The following SRGAP1 variants were observed in gnomAD, a reference collection of about 807,000 sequenced individuals.
The protein encoded by SRGAP1 is SLIT-ROBO Rho GTPase activating protein 1.
Under a neutral mutation model 121.9 loss-of-function variants are expected in SRGAP1, and 43 were observed. The ratio of observed to expected loss-of-function variants is 0.35; its 90% CI spans 0.28 to 0.46. SRGAP1 has a LOEUF of 0.46. Ranked by LOEUF, SRGAP1 falls within the 20% of genes least tolerant of loss-of-function variation. The pLI is 1.00. For synonymous variants in SRGAP1, 447 were observed against 485.4 expected (o/e 0.92, Z 1.04); for missense variants, 1,102 against 1,350.9 (o/e 0.82, Z 2.89).
rs1289402772 is a variant in SRGAP1, at chr12:64,157,338, A to ACAAT, written c.*14670_*14673dup. On this transcript the variant is annotated 3_prime_UTR_variant, in exon 22 of 22. Coordinates refer to ENST00000355086, the MANE Select transcript of SRGAP1 (RefSeq NM_020762.4). ...CAAACAACCCCCCAAACTCAGTAACACAATCAAGCTGTATTTCTCCTTCAC... is the reference window on the plus strand; with the variant it reads ...CAAACAACCCCCCAAACTCAGTAACACAATCAATCAAGCTGTATTTCTCCTTCAC... 6.6e-6 allele frequency: 1 copy of ACAAT among 152,118 alleles called. No individual in the cohort carries two copies. Among genetic ancestry groups the ACAAT allele is most frequent in the African/African-American group, 2.4e-5 (1 of 41,396 alleles). 9.4% of individuals were successfully genotyped at this position (152,118 alleles called of 1,614,324 possible). A position where few individuals can be genotyped will look rare whatever the true frequency, so the allele number is the denominator to read the frequency against.
intron 1 of SRGAP1, among the ~76,000 whole-genome samples, chr12:63,941,727 A>G (rs2031876531): frequency 2.6e-5 from 4 of 152,002 alleles, no homozygotes; most frequent in South Asian, 2.1e-4. Context: ...CTTTTCTAAC[A>G]TATTTCTAGC....
chr12:63,984,075 A>G lies in SRGAP1; in HGVS notation c.196A>G (p.Asn66Asp). 6.5e-7 allele frequency: 1 copy of G among 1,544,538 alleles called. No individual in the cohort carries two copies. Reference protein sequence around the residue: ...KAEIETEYSRNLEKLAERFMA... With the variant: ...KAEIETEYSRDLEKLAERFMA... The stretch of plus-strand genomic sequence containing the variant: ...TGAAATTGAGACGGAATATTCCCGG[A>G]ATCTAGAGAAGTTAGCAGAAAGGTT... Residue 66 changes from asparagine (N) to aspartate (D), a missense_variant, in exon 2 of 22, where the codon AAT becomes GAT. Asn to Asp is a conservative substitution (Grantham distance 23, BLOSUM62 1). Coordinates refer to ENST00000355086, the MANE Select transcript of SRGAP1 (RefSeq NM_020762.4).
At chr12:63,997,287 A>G (rs1302515260) in intron 3 of SRGAP1, among the ~76,000 whole-genome samples, 2 of 152,144 alleles carry the variant, frequency 1.3e-5, no homozygotes. Context: ...TAGCCTAGGA[A>G]CAGTAGATTA....
chr12:63,883,154 C>G (rs539530761), intron 1 of SRGAP1, among the ~76,000 whole-genome samples: 16 of 152,330 alleles, frequency 1.1e-4, no homozygotes, highest in African/African-American at 1.9e-4. Flanking sequence ...CCCTGAAAGT[C>G]TTCATTTTCA....
chr12:64,092,902 A>G (rs1016669176), intron 12 of SRGAP1, among the ~76,000 whole-genome samples: 2 of 152,302 alleles, frequency 1.3e-5, no homozygotes, highest in African/African-American at 4.8e-5. Context: ...TCAATTTTTC[A>G]TTAAGAGCAG....
At chr12:64,043,743 C>A in intron 6 of SRGAP1, 168 bp downstream of exon 6, 1 of 490,232 alleles carries the variant, frequency 2.0e-6, no homozygotes. Flanking sequence ...ACACTATCAT[C>A]TGTAAGATGC....
At chr12:63,941,303 G>A (rs560190600) in intron 1 of SRGAP1, among the ~76,000 whole-genome samples, 167 of 152,058 alleles carry the variant, frequency 1.1e-3, no homozygotes, top group African/African-American at 3.2e-3. Context: ...TGGCTGTTAG[G>A]TCTTGTCATC....
intron 11 of SRGAP1, 72 bp from the exon 12 acceptor site, chr12:64,091,204 G>T: frequency 9.2e-7 from 1 of 1,081,502 alleles, no homozygotes; most frequent in South Asian, 2.2e-5. Context: ...TTGTAATATT[G>T]ATGTGACCTA....
rs118189134 is a variant in SRGAP1, at chr12:64,006,476, G to C, written c.427-10474G>C. Among the ~76,000 whole-genome samples, 1,445 of 152,286 alleles carry C rather than the reference G, an allele frequency of 9.5e-3. 8 individuals are homozygous for C. Among genetic ancestry groups the C allele is most frequent in the South Asian group, 0.035 (171 of 4,830 alleles). The stretch of plus-strand genomic sequence containing the variant: ...CTGAGGTCTGGAGAGGCAGGCTGTG[G>C]AGGGCACAAGAATTTGAATCTCAGT... On this transcript the variant is annotated intron_variant, in intron 3 of 21. Transcript: ENST00000355086.
intron 1 of SRGAP1, among the ~76,000 whole-genome samples, chr12:63,962,813 A>G (rs2032681232): frequency 6.6e-6 from 1 of 152,172 alleles, no homozygotes; most frequent in Admixed American, 6.5e-5. Context: ...TCAGGGTTTG[A>G]AAGGTGGCTA....
At chr12:63,995,212 A>G (rs1198745001) in intron 3 of SRGAP1, among the ~76,000 whole-genome samples, 1 of 152,222 alleles carries the variant, frequency 6.6e-6, no homozygotes, top group Non-Finnish European at 1.5e-5. Context: ...TTACATAAAT[A>G]CATGTACAAT....
At chr12:63,904,202 C>T (rs1053654828) in intron 1 of SRGAP1, among the ~76,000 whole-genome samples, 2 of 151,788 alleles carry the variant, frequency 1.3e-5, no homozygotes, top group African/African-American at 4.8e-5. Context: ...AGTAATACAA[C>T]TCCCCAAGTT....
At chr12:63,917,098 T>C (rs1565949304) in intron 1 of SRGAP1, among the ~76,000 whole-genome samples, 1 of 152,234 alleles carries the variant, frequency 6.6e-6, no homozygotes, top group Non-Finnish European at 1.5e-5. Context: ...TTGCAAGCTT[T>C]ATATCTACCC....
chr12:64,110,391 G>A (rs1236508162), intron 16 of SRGAP1, among the ~76,000 whole-genome samples: 1 of 152,212 alleles, frequency 6.6e-6, no homozygotes, highest in African/African-American at 2.4e-5. Context: ...TGCACCATGG[G>A]TGTTGCTGTT....
chr12:63,921,318 T>C (rs1158484923), intron 1 of SRGAP1, among the ~76,000 whole-genome samples: 1 of 152,250 alleles, frequency 6.6e-6, no homozygotes, highest in Non-Finnish European at 1.5e-5. Flanking sequence ...ACTCTGCAGC[T>C]GGCTCACTTT....
intron 4 of SRGAP1, among the ~76,000 whole-genome samples, chr12:64,029,601 G>A (rs773818293): frequency 2.6e-5 from 4 of 152,202 alleles, no homozygotes; most frequent in Admixed American, 6.5e-5. Context: ...CCAAAAAGAG[G>A]AGAGTGTGTG....
At chr12:63,921,732 A>G (rs911613372) in intron 1 of SRGAP1, among the ~76,000 whole-genome samples, 2 of 152,214 alleles carry the variant, frequency 1.3e-5, no homozygotes, top group Admixed American at 6.5e-5. Flanking sequence ...GTGATCTGTG[A>G]TCATGCCTGG....
intron 12 of SRGAP1, among the ~76,000 whole-genome samples, chr12:64,092,239 G>T (rs1201421425): frequency 6.6e-6 from 1 of 152,120 alleles, no homozygotes; most frequent in African/African-American, 2.4e-5. Flanking sequence ...ATGGACCCTA[G>T]TGTGAATTTT....
At chr12:63,957,781 TTC>T (rs2032518317) in intron 1 of SRGAP1, among the ~76,000 whole-genome samples, 1 of 152,182 alleles carries the variant, frequency 6.6e-6, no homozygotes, top group Non-Finnish European at 1.5e-5. Context: ...TGTTCCTTTT[TTC>T]TCTCAGCAAT....
Sources: gnomAD v4.1 joint callset for allele counts (sites outside exome capture counted in the v4.1 genomes callset) on GRCh38, gnomAD v4.1.1 for gene constraint, MANE v1.5 for transcripts, NCBI Gene and HGNC (gene_info 2026-07-23, HGNC 2026-07-21) for gene names.